The following SMARCB1 variants were observed in gnomAD, a reference collection of about 807,000 sequenced individuals.
SMARCB1 encodes SWI/SNF-related matrix-associated actin-dependent regulator of chromatin subfamily B member 1.
In SMARCB1, 5 loss-of-function variants were observed where a neutral mutation model predicts 49.0. That is an observed-to-expected ratio of 0.10 (90% CI 0.05 to 0.21). SMARCB1 has a LOEUF of 0.21. Ranked by LOEUF, SMARCB1 falls within the 10% of genes least tolerant of loss-of-function variation. SMARCB1 has a pLI of 1.00. For synonymous variants in SMARCB1, 201 were observed against 200.1 expected (o/e 1.00, Z -0.04); for missense variants, 226 against 509.2 (o/e 0.44, Z 5.35).
chr22:23,837,867 C>G lies in SMARCB1; in HGVS notation c.*3687C>G, dbSNP rs1467046182. 4.4e-6 allele frequency: 7 copies of G among 1,607,020 alleles called. No individual in the cohort carries two copies. Among genetic ancestry groups the G allele is most frequent in the Non-Finnish European group, 6.0e-6 (7 of 1,175,984 alleles). On this transcript the variant is annotated 3_prime_UTR_variant, in exon 9 of 9. Transcript: ENST00000644036. ...GGAGTCCCAGCAGCTGGGCCAGAGT[C>G]AAGGTGCTCCGGTGCAGGCCTCAGC...
intron 7 of SMARCB1, among the ~76,000 whole-genome samples, chr22:23,828,559 CAGG>C (rs1412428113): frequency 6.6e-6 from 1 of 152,076 alleles, no homozygotes; most frequent in African/African-American, 2.4e-5. Context: ...GAGGCTGAGG[CAGG>C]AGAATTGCTT....
chr22:23,811,897 G>T (rs113855729), intron 5 of SMARCB1, among the ~76,000 whole-genome samples: 5,424 of 152,190 alleles, frequency 0.036, 150 homozygotes, highest in East Asian at 0.12. Flanking sequence ...AAACTAGCTG[G>T]TTTTTTGAAA....
At chr22:23,795,548 A>G (rs1290609322) in intron 3 of SMARCB1, among the ~76,000 whole-genome samples, 1 of 151,676 alleles carries the variant, frequency 6.6e-6, no homozygotes, top group Non-Finnish European at 1.5e-5. Flanking sequence ...CCAGCTACTC[A>G]GGAAGGCTGA....
At position 23,836,897 on chromosome 22, in the gene SMARCB1, CCTGG is replaced by C; in HGVS notation, c.*2721_*2724del. The C allele has an allele frequency of 6.7e-7, 1 of 1,498,276 alleles. No individual in the cohort carries two copies. Among genetic ancestry groups the C allele is most frequent in the Non-Finnish European group, 8.9e-7 (1 of 1,123,284 alleles). The allele number at this position is 1,498,276 out of a possible 1,614,324, so 92.8% of individuals were successfully genotyped here. On this transcript the variant is annotated 3_prime_UTR_variant, in exon 9 of 9. Coordinates refer to ENST00000644036, the MANE Select transcript of SMARCB1 (RefSeq NM_003073.5). Reference sequence around the variant, plus strand: ...CTGCTGCGGGGGTGGCAGATGGGGTCCTGGCTGTTCCTCAGGGAGGGGCAGGTAA... The same window carrying C: ...CTGCTGCGGGGGTGGCAGATGGGGTCCTGTTCCTCAGGGAGGGGCAGGTAA...
chr22:23,804,238 CTG>C (rs1311115016), intron 5 of SMARCB1: 3 of 151,960 alleles, frequency 2.0e-5, no homozygotes, highest in Non-Finnish European at 4.4e-5. Context: ...GAGTCCCACT[CTG>C]TTGCCCAGGC....
chr22:23,816,420 A>T (rs911759314), intron 5 of SMARCB1: 2 of 468,690 alleles, frequency 4.3e-6, no homozygotes, highest in Admixed American at 6.7e-5. Flanking sequence ...GGGAGTAGAG[A>T]GATGGCACGC....
At chr22:23,829,741 T>C (rs1442931421) in intron 7 of SMARCB1, among the ~76,000 whole-genome samples, 2 of 152,216 alleles carry the variant, frequency 1.3e-5, no homozygotes, top group Non-Finnish European at 2.9e-5. Context: ...GTTTTTGATA[T>C]ATGCAGAGAG....
intron 7 of SMARCB1, 69 bp from the exon 8 acceptor site, chr22:23,833,503 A>G: frequency 6.2e-7 from 1 of 1,608,422 alleles, no homozygotes; most frequent in Non-Finnish European, 8.5e-7. Context: ...GACAGGGGCC[A>G]AAGCTTTCTG....
At chr22:23,793,202 CT>C in intron 2 of SMARCB1, 1 of 367,942 alleles carries the variant, frequency 2.7e-6, no homozygotes, top group Non-Finnish European at 5.3e-6. Context: ...TGGGAGCTTT[CT>C]TTTCCCCTGA....
At chr22:23,809,315 TG>T (rs1372307481) in intron 5 of SMARCB1, among the ~76,000 whole-genome samples, 22 of 151,236 alleles carry the variant, frequency 1.5e-4, no homozygotes. Flanking sequence ...CTGCTCTTGT[TG>T]CCCAGGCTGG....
intron 7 of SMARCB1, 134 bp from the exon 8 acceptor site, chr22:23,833,438 G>T: frequency 7.9e-7 from 1 of 1,273,304 alleles, no homozygotes. Context: ...TTGAGGTTCA[G>T]GTGACTGGAG....
Position 23,803,304 on chromosome 22 carries a change from C to T in SMARCB1, c.510C>T (p.Asp170=), listed in dbSNP as rs762656012. The change falls in exon 5 of 9, where the codon GAC becomes GAT. Residue 170 remains aspartate (D), a synonymous_variant. Coordinates refer to ENST00000644036, the MANE Select transcript of SMARCB1 (RefSeq NM_003073.5). ...TCCATTTCACTTTCAGCTTTGATGA[C>T]CATGACCCAGCTGTGATCCATGAGA... ...KKRTFPLCFD[D]HDPAVIHENA... is the part of the protein sequence containing the mutation. 4.5e-5 allele frequency: 73 copies of T among 1,614,072 alleles called. No individual in the cohort carries two copies. Among genetic ancestry groups the T allele is most frequent in the Non-Finnish European group, 5.8e-5 (69 of 1,180,054 alleles).
chr22:23,812,358 G>A (rs2145999985), intron 5 of SMARCB1, among the ~76,000 whole-genome samples: 1 of 152,078 alleles, frequency 6.6e-6, no homozygotes, highest in Middle Eastern at 3.4e-3. Context: ...AAAAATCTCT[G>A]GGCCCATATG....
intron 2 of SMARCB1, 124 bp downstream of exon 2, chr22:23,792,018 C>T (rs935319199): frequency 1.3e-4 from 132 of 1,016,724 alleles, no homozygotes; most frequent in Non-Finnish European, 1.7e-4. Flanking sequence ...GGGAGCATCC[C>T]GGGGTGGGCC....
Position 23,835,752 on chromosome 22 carries a change from G to T in SMARCB1, c.*1572G>T. The stretch of plus-strand genomic sequence containing the variant: ...GAGGTAGGAACCTCGGCAATGAAAG[G>T]GTGAGGCAGCCCTGTGTCTCCACAA... On this transcript the variant is annotated 3_prime_UTR_variant, in exon 9 of 9. Coordinates refer to ENST00000644036, the MANE Select transcript of SMARCB1 (RefSeq NM_003073.5). 1 of 985,454 alleles carries T rather than the reference G, an allele frequency of 1.0e-6. No individual in the cohort carries two copies. Among genetic ancestry groups the T allele is most frequent in the Non-Finnish European group, 1.2e-6 (1 of 829,934 alleles). 61.0% of individuals were successfully genotyped at this position (985,454 alleles called of 1,614,324 possible).
intron 5 of SMARCB1, among the ~76,000 whole-genome samples, chr22:23,810,805 G>A (rs920703314): frequency 6.6e-6 from 1 of 152,142 alleles, no homozygotes; most frequent in East Asian, 1.9e-4. Context: ...CGAGGCAGGC[G>A]GATCACCTGA....
At chr22:23,805,697 A>C (rs1177315070) in intron 5 of SMARCB1, among the ~76,000 whole-genome samples, 3 of 151,996 alleles carry the variant, frequency 2.0e-5, no homozygotes, top group Non-Finnish European at 4.4e-5. Context: ...TGGAGACGGG[A>C]TTTCACCATA....
chr22:23,825,082 A>G, intron 6 of SMARCB1, 143 bp from the exon 7 acceptor site: 2 of 704,592 alleles, frequency 2.8e-6, no homozygotes, highest in Middle Eastern at 3.6e-4. Context: ...GGGATGGGGA[A>G]CTGGAAGGAC....
chr22:23,787,915 A>G (rs536463994), intron 1 of SMARCB1, among the ~76,000 whole-genome samples: 34 of 152,330 alleles, frequency 2.2e-4, no homozygotes, highest in African/African-American at 7.7e-4. Context: ...TTACAGGGGA[A>G]AGAGCCTAAG....
Sources: gnomAD v4.1 joint callset for allele counts (sites outside exome capture counted in the v4.1 genomes callset) on GRCh38, gnomAD v4.1.1 for gene constraint, MANE v1.5 for transcripts, NCBI Gene and HGNC (gene_info 2026-07-23, HGNC 2026-07-21) for gene names.